Variants in STAU2 observed in about 807,000 individuals in gnomAD.
STAU2 encodes the protein double-stranded RNA-binding protein Staufen homolog 2.
In STAU2, 20 loss-of-function variants were observed where a neutral mutation model predicts 65.9. That is an observed-to-expected ratio of 0.30 (90% CI 0.21 to 0.44). The LOEUF (loss-of-function observed/expected upper bound fraction) is 0.44, where lower values mean the gene tolerates loss of function less well. Ranked by LOEUF, STAU2 falls within the 20% of genes least tolerant of loss-of-function variation. The pLI, the probability that STAU2 is intolerant of heterozygous loss-of-function variation, is 1.00. For synonymous variants in STAU2, 232 were observed against 233.9 expected (o/e 0.99, Z 0.07); for missense variants, 558 against 683.9 (o/e 0.82, Z 2.05).
intron 4 of STAU2, among the ~76,000 whole-genome samples, chr8:73,694,695 G>T (rs547107062): frequency 6.8e-4 from 104 of 152,312 alleles, no homozygotes; most frequent in Non-Finnish European, 1.2e-3. Context: ...GCCAAAAGAG[G>T]CATTGAGGAG....
chr8:73,560,625 G>T (rs1464187864), intron 12 of STAU2, among the ~76,000 whole-genome samples: 1 of 152,106 alleles, frequency 6.6e-6, no homozygotes, highest in African/African-American at 2.4e-5. Flanking sequence ...GGTGAACACA[G>T]TACCAACGGG....
chr8:73,571,894 G>A (rs1178347406), intron 12 of STAU2, among the ~76,000 whole-genome samples: 4 of 152,038 alleles, frequency 2.6e-5, no homozygotes, highest in African/African-American at 4.8e-5. Flanking sequence ...AAATAACTAA[G>A]ATCAGAGCAG....
chr8:73,516,730 A>T (rs1465250201), intron 13 of STAU2, among the ~76,000 whole-genome samples: 1 of 152,180 alleles, frequency 6.6e-6, no homozygotes, highest in East Asian at 1.9e-4. Flanking sequence ...AATAAATCAT[A>T]CGCAACACCA....
intron 13 of STAU2, among the ~76,000 whole-genome samples, chr8:73,531,158 G>A (rs1302760940): frequency 6.6e-6 from 1 of 152,166 alleles, no homozygotes; most frequent in Admixed American, 6.5e-5. Flanking sequence ...GTGAGATGAG[G>A]AGTGAAAGAG....
intron 3 of STAU2, among the ~76,000 whole-genome samples, chr8:73,737,459 C>T (rs919414507): frequency 1.3e-5 from 2 of 152,140 alleles, no homozygotes; most frequent in South Asian, 2.1e-4. Context: ...GTGTGAGCCA[C>T]CGTGCCCAGT....
intron 13 of STAU2, chr8:73,549,999 C>T (rs73328708): frequency 0.085 from 84,034 of 985,552 alleles, 4,597 homozygotes; most frequent in East Asian, 0.44. Flanking sequence ...CACAAAGAAC[C>T]TTCTGCTGCG....
intron 4 of STAU2, among the ~76,000 whole-genome samples, chr8:73,694,352 A>G (rs1819557446): frequency 6.6e-6 from 1 of 152,240 alleles, no homozygotes; most frequent in Non-Finnish European, 1.5e-5. Context: ...ACACTGTTAG[A>G]ATACTCCAAC....
At chr8:73,484,744 C>T (rs1048494323) in intron 13 of STAU2, among the ~76,000 whole-genome samples, 2 of 152,008 alleles carry the variant, frequency 1.3e-5, no homozygotes, top group Non-Finnish European at 2.9e-5. Context: ...CCCAGTTCTG[C>T]CACTAGCTCA....
At chr8:73,727,209 G>A (rs761259566) in intron 3 of STAU2, among the ~76,000 whole-genome samples, 8 of 152,130 alleles carry the variant, frequency 5.3e-5, no homozygotes, top group Non-Finnish European at 1.2e-4. Flanking sequence ...CAGACTGAGC[G>A]ACAGAGGGAG....
At chr8:73,495,490 CTTAA>C (rs1783015501) in intron 13 of STAU2, among the ~76,000 whole-genome samples, 3 of 151,086 alleles carry the variant, frequency 2.0e-5, no homozygotes. Flanking sequence ...TACTAAATGA[CTTAA>C]TTCTTTATTT....
intron 13 of STAU2, among the ~76,000 whole-genome samples, chr8:73,512,831 AT>A (rs1308972326): frequency 6.6e-6 from 1 of 152,154 alleles, no homozygotes; most frequent in African/African-American, 2.4e-5. Flanking sequence ...TGAATTTTTC[AT>A]TTCGGTTATT....
intron 6 of STAU2, among the ~76,000 whole-genome samples, chr8:73,627,885 A>C (rs1246547037): frequency 6.6e-6 from 1 of 151,954 alleles, no homozygotes; most frequent in Non-Finnish European, 1.5e-5. Flanking sequence ...TATGTTCTCT[A>C]AGAGCCATCA....
chr8:73,662,549 C>T (rs920101292), intron 6 of STAU2, among the ~76,000 whole-genome samples: 1 of 151,878 alleles, frequency 6.6e-6, no homozygotes, highest in Admixed American at 6.6e-5. Flanking sequence ...TGTCTATGAC[C>T]CATTTCTGAT....
At chr8:73,481,574 G>A (rs77696697) in intron 13 of STAU2, among the ~76,000 whole-genome samples, 3,746 of 150,628 alleles carry the variant, frequency 0.025, 153 homozygotes, top group African/African-American at 0.085. Flanking sequence ...TAGCGAGAAC[G>A]GGCTTTCTGC....
chr8:73,663,298 A>G (rs911733410), intron 6 of STAU2, among the ~76,000 whole-genome samples: 5 of 152,168 alleles, frequency 3.3e-5, no homozygotes, highest in African/African-American at 1.2e-4. Context: ...GTAAAATATC[A>G]TTTTATTTTT....
At chr8:73,512,662 G>T (rs1822477116) in intron 13 of STAU2, among the ~76,000 whole-genome samples, 1 of 151,590 alleles carries the variant, frequency 6.6e-6, no homozygotes, top group African/African-American at 2.4e-5. Context: ...TATGTGTGTG[G>T]GGGGTGGGTA....
chr8:73,464,410 C>T (rs1025657955), intron 13 of STAU2, among the ~76,000 whole-genome samples: 1 of 152,178 alleles, frequency 6.6e-6, no homozygotes, highest in African/African-American at 2.4e-5. Flanking sequence ...TTCTGAGAAG[C>T]GCTGTTACAC....
chr8:73,475,610 G>A (rs757012185), intron 13 of STAU2, among the ~76,000 whole-genome samples: 2 of 151,990 alleles, frequency 1.3e-5, no homozygotes, highest in Non-Finnish European at 2.9e-5. Context: ...CTATAAAAAC[G>A]GTCTATTGAA....
intron 6 of STAU2, among the ~76,000 whole-genome samples, chr8:73,644,286 T>C (rs560472102): frequency 6.6e-6 from 1 of 152,010 alleles, no homozygotes; most frequent in African/African-American, 2.4e-5. Flanking sequence ...TTCATAACAC[T>C]AAATACATAG....
Sources: allele counts gnomAD v4.1 joint callset (sites outside exome capture counted in the v4.1 genomes callset), GRCh38; gene constraint gnomAD v4.1.1; transcripts MANE v1.5; gene names NCBI Gene and HGNC (gene_info 2026-07-23, HGNC 2026-07-21).